BCL2L1: variants seen among roughly 807,000 people sequenced by gnomAD.
BCL2L1 encodes BCL2 like 1.
Under a neutral mutation model 18.7 loss-of-function variants are expected in BCL2L1, and 1 was observed. The ratio of observed to expected loss-of-function variants is 0.05; its 90% CI spans 0.02 to 0.25. BCL2L1 has a LOEUF of 0.25. Ranked by LOEUF, BCL2L1 falls within the 10% of genes least tolerant of loss-of-function variation. The pLI, the probability that BCL2L1 is intolerant of heterozygous loss-of-function variation, is 1.00. For synonymous variants in BCL2L1, 103 were observed against 122.7 expected (o/e 0.84, Z 1.06); for missense variants, 207 against 304.9 (o/e 0.68, Z 2.39).
chr20:31,720,687 T>C, intron 2 of BCL2L1: 6 of 982,112 alleles, frequency 6.1e-6, no homozygotes, highest in Non-Finnish European at 7.3e-6. Context: ...CCACATTTTT[T>C]AGTGAAAGAA....
intron 2 of BCL2L1, among the ~76,000 whole-genome samples, chr20:31,680,736 G>A (rs1283097095): frequency 1.3e-5 from 2 of 152,154 alleles, no homozygotes; most frequent in African/African-American, 4.8e-5. Context: ...TGGGGATAAA[G>A]CAGTGACTAA....
At chr20:31,720,638 G>T (rs573603489) in intron 2 of BCL2L1, 1 of 983,066 alleles carries the variant, frequency 1.0e-6, no homozygotes, top group African/African-American at 1.7e-5. Context: ...TCACATTATC[G>T]CCAAGATTTA....
At chr20:31,723,185 AGGCC>A, upstream of BCL2L1, 1 of 696,140 alleles carries the variant, frequency 1.4e-6, no homozygotes, top group Non-Finnish European at 1.8e-6. Context: ...GTGATGTTGA[AGGCC>A]GGAGACCCCC....
intron 2 of BCL2L1, among the ~76,000 whole-genome samples, chr20:31,666,682 C>A (rs1202889841): frequency 6.6e-6 from 1 of 151,944 alleles, no homozygotes; most frequent in African/African-American, 2.4e-5. Context: ...CTGGAGGGAG[C>A]CTCTGGTGGG....
In BCL2L1 at chr20:31,681,657, C is replaced by A. The variant is rs551501872; in HGVS notation, c.565-15571G>T. On this transcript the variant is annotated intron_variant, in intron 2 of 2. Coordinates refer to ENST00000307677, the MANE Select transcript of BCL2L1 (RefSeq NM_138578.3). Reference sequence around the variant, plus strand: ...TACTGTTCTTAATCAATCAATCAATCAATAAAAGTAGAGCTGAAAGGATTT... The same window carrying A: ...TACTGTTCTTAATCAATCAATCAATAAATAAAAGTAGAGCTGAAAGGATTT... 2.6e-5 allele frequency among the ~76,000 whole-genome samples: 4 copies of A among 152,242 alleles called. No individual in the cohort carries two copies. In the South Asian group the frequency reaches 8.3e-4, roughly 32 times the overall value.
intron 2 of BCL2L1, among the ~76,000 whole-genome samples, chr20:31,715,795 G>A (rs2061525192): frequency 6.6e-6 from 1 of 152,176 alleles, no homozygotes; most frequent in Admixed American, 6.5e-5. Flanking sequence ...GTATTAGGAA[G>A]AGGGCTGCTC....
chr20:31,720,902 G>A (rs1479659169), intron 2 of BCL2L1: 10 of 985,292 alleles, frequency 1.0e-5, no homozygotes, highest in Middle Eastern at 5.2e-4. Context: ...AGAGCAGCTG[G>A]AGCTCCCCAA....
chr20:31,701,815 T>C (rs953003821), intron 2 of BCL2L1, among the ~76,000 whole-genome samples: 1 of 152,204 alleles, frequency 6.6e-6, no homozygotes, highest in Non-Finnish European at 1.5e-5. Flanking sequence ...GGGCCTCAGT[T>C]TTTTCATGTC....
At chr20:31,683,059 A>G (rs1350416299) in intron 2 of BCL2L1, among the ~76,000 whole-genome samples, 1 of 152,164 alleles carries the variant, frequency 6.6e-6, no homozygotes, top group African/African-American at 2.4e-5. Flanking sequence ...CCTTCACCAC[A>G]TGGCAGCCAG....
intron 2 of BCL2L1, among the ~76,000 whole-genome samples, chr20:31,673,811 A>G (rs1229397447): frequency 1.3e-5 from 2 of 152,154 alleles, no homozygotes; most frequent in Non-Finnish European, 2.9e-5. Flanking sequence ...CATCATATTC[A>G]CTTGAGAGAT....
At chr20:31,684,636 T>C (rs187890816) in intron 2 of BCL2L1, among the ~76,000 whole-genome samples, 1 of 152,310 alleles carries the variant, frequency 6.6e-6, no homozygotes, top group East Asian at 1.9e-4. Context: ...GAGCCAGATC[T>C]ACCCTTCTCA....
chr20:31,717,485 A>C (rs530835999), intron 2 of BCL2L1, among the ~76,000 whole-genome samples: 4 of 152,366 alleles, frequency 2.6e-5, no homozygotes, highest in Admixed American at 2.6e-4. Context: ...AAACCCTGTG[A>C]TGGTAACAGA....
At chr20:31,683,298 G>C (rs2060895404) in intron 2 of BCL2L1, among the ~76,000 whole-genome samples, 1 of 152,136 alleles carries the variant, frequency 6.6e-6, no homozygotes, top group South Asian at 2.1e-4. Context: ...CTTATGTCTG[G>C]AATGTTTTTT....
intron 2 of BCL2L1, among the ~76,000 whole-genome samples, chr20:31,672,498 A>G (rs1007254555): frequency 6.6e-6 from 1 of 151,464 alleles, no homozygotes; most frequent in African/African-American, 2.4e-5. Flanking sequence ...AGCAGAGGTA[A>G]TAAGTGCAAA....
intron 2 of BCL2L1, among the ~76,000 whole-genome samples, chr20:31,675,080 G>T (rs977635823): frequency 6.6e-6 from 1 of 152,128 alleles, no homozygotes; most frequent in South Asian, 2.1e-4. Flanking sequence ...GACCAGGAGG[G>T]AAAGTGAAAC....
chr20:31,682,929 G>C (rs1221467217), intron 2 of BCL2L1, among the ~76,000 whole-genome samples: 1 of 152,050 alleles, frequency 6.6e-6, no homozygotes, highest in African/African-American at 2.4e-5. Context: ...TTTATCTAGA[G>C]TCCCACCATT....
chr20:31,687,326 G>C (rs1237664237), intron 2 of BCL2L1, among the ~76,000 whole-genome samples: 5 of 151,950 alleles, frequency 3.3e-5, no homozygotes, highest in Admixed American at 6.6e-5. Flanking sequence ...CCAGTGACTT[G>C]AGGCTCTCTA....
intron 2 of BCL2L1, among the ~76,000 whole-genome samples, chr20:31,695,072 C>CAGAGAGA (rs770238726): frequency 3.8e-3 from 583 of 152,278 alleles, no homozygotes; most frequent in Middle Eastern, 0.024. Context: ...CTTTCTCTCT[C>CAGAGAGA]ACCTCTTATC....
intron 2 of BCL2L1, among the ~76,000 whole-genome samples, chr20:31,667,484 C>CGTGTGTGTGTGTGTGTGT (rs3073682): frequency 0.1 from 13,828 of 135,032 alleles, 1,594 homozygotes; most frequent in African/African-American, 0.27. Context: ...ACCATAGTAC[C>CGTGTGTGTGTGTGTGTGT]GTGTGTGTGT....
Sources: gnomAD v4.1 joint callset for allele counts (sites outside exome capture counted in the v4.1 genomes callset) on GRCh38, gnomAD v4.1.1 for gene constraint, MANE v1.5 for transcripts, NCBI Gene and HGNC (gene_info 2026-07-23, HGNC 2026-07-21) for gene names.